KLK4: variants seen among roughly 807,000 people sequenced by gnomAD.
KLK4 encodes kallikrein related peptidase 4.
KLK4 carries 24 observed loss-of-function variants against 24.3 expected under a neutral mutation model. The ratio of observed to expected loss-of-function variants is 0.99; its 90% CI spans 0.72 to 1.39. The LOEUF (loss-of-function observed/expected upper bound fraction) is 1.39. Ranked by LOEUF, KLK4 falls within the 40% of genes most tolerant of loss-of-function variation. The pLI, the probability that KLK4 is intolerant of heterozygous loss-of-function variation, is 0.00. For missense variants in KLK4, 344 were observed against 327.4 expected, an observed-to-expected ratio of 1.05 and a Z score of -0.39; for synonymous variants, 142 against 138.8, an observed-to-expected ratio of 1.02 and a Z score of -0.16.
At position 50,908,341 on chromosome 19, in the gene KLK4, C is replaced by A. The variant is rs1600045611; in HGVS notation, c.612+18G>T. On this transcript the variant is annotated intron_variant, in intron 5 of 5. Coordinates refer to ENST00000324041, the Ensembl canonical transcript of KLK4. ...ACCCTTCCCTGAGTCGCCTGCCCTCCCCTTTCCCCTCTCTCACGTTGCAGG... is the reference window on the plus strand; with the variant it reads ...ACCCTTCCCTGAGTCGCCTGCCCTCACCTTTCCCCTCTCTCACGTTGCAGG... 1 of 1,611,892 alleles carries A rather than the reference C, an allele frequency of 6.2e-7. No homozygotes were observed. The highest frequency in any genetic ancestry group is 8.5e-7 in the Non-Finnish European group (1 of 1,180,016).
chr19:50,909,779 G>T (rs1167243363), intron 2 of KLK4, among the ~76,000 whole-genome samples: 2 of 151,830 alleles, frequency 1.3e-5, no homozygotes, highest in Non-Finnish European at 2.9e-5. Context: ...CGGTGATCAC[G>T]GTGCAGGAGC....
rs747246156 is a variant in KLK4 at position 50,910,742 on chromosome 19, G to A, written c.-4C>T. 63 of 1,552,340 alleles carry A rather than the reference G, an allele frequency of 4.1e-5. No individual in the cohort carries two copies. In the South Asian group the frequency reaches 7.0e-4, roughly 17 times the overall value. Reference sequence around the variant, plus strand: ...AGGGATTTCCTGCTGTGGCCATCACGTCAGCACCTGGGGATGAGGACTGAG... The same window carrying A: ...AGGGATTTCCTGCTGTGGCCATCACATCAGCACCTGGGGATGAGGACTGAG... On this transcript the variant is annotated 5_prime_UTR_variant, in exon 2 of 6. In the 5' UTR this introduces an upstream ATG that the reference lacks. Transcript: ENST00000324041. The surrounding 1 kb of genome is among the most constrained non-coding windows in gnomAD (Gnocchi z 4.4).
intron 5 of KLK4, 72 bp downstream of exon 5, chr19:50,908,286 GC>G (rs2123512217): frequency 6.4e-7 from 1 of 1,567,954 alleles, no homozygotes; most frequent in South Asian, 1.1e-5. Flanking sequence ...TCGCCATGCG[GC>G]CCTGTGTGTC....
chr19:50,908,535 A>T, intron 4 of KLK4, 40 bp from the exon 5 acceptor site: 1 of 1,614,186 alleles, frequency 6.2e-7, no homozygotes, highest in Non-Finnish European at 8.5e-7. Flanking sequence ...GCGACTGGGC[A>T]GAGGACCTCC....
In KLK4 at chr19:50,908,388, C is replaced by A; in HGVS notation, c.583G>T (p.Gly195Ter). 1.2e-6 allele frequency: 2 copies of A among 1,613,986 alleles called. No individual in the cohort carries two copies. Among genetic ancestry groups the A allele is most frequent in the Non-Finnish European group, 1.7e-6 (2 of 1,180,032 alleles). ...CAGGAGTCCTTCTGGTCTTGCCCTC[C>A]GCCGGCGCAGAACATGCTGGGGTGG... Residue 195 changes from glycine to a stop codon, truncating the protein, a stop_gained, in exon 5 of 6, where the codon GGA (glycine) becomes TGA (stop). Coordinates refer to ENST00000324041, the Ensembl canonical transcript of KLK4. LOFTEE classifies it low-confidence loss of function (END_TRUNC).
In KLK4 at chr19:50,908,049, T is replaced by C. The variant is rs377727478; in HGVS notation, c.612+310A>G. On this transcript the variant is annotated intron_variant, in intron 5 of 5. Coordinates refer to ENST00000324041, the Ensembl canonical transcript of KLK4. Reference sequence around the variant, plus strand: ...TATTTCTAGTCAGGTTTTTGGGGAGTCAAAAGTTATAAGAGGATTTTCTGT... The same window carrying C: ...TATTTCTAGTCAGGTTTTTGGGGAGCCAAAAGTTATAAGAGGATTTTCTGT... The C allele has an allele frequency of 7.1e-4, 328 of 460,560 alleles. 3 individuals carry two copies. The East Asian group carries it at 0.011, about 16-fold the overall frequency. The allele number at this position is 460,560 out of a possible 1,614,324, so 28.5% of individuals were successfully genotyped here. A position where few individuals can be genotyped will look rare whatever the true frequency, so the allele number is the denominator to read the frequency against.
At position 50,910,682 on chromosome 19, in the gene KLK4, G is replaced by T; in HGVS notation, c.57C>A (p.Val19=). 6.4e-7 allele frequency: 1 copy of T among 1,555,036 alleles called. No individual in the cohort carries two copies. The highest frequency in any genetic ancestry group is 1.4e-5 in the African/African-American group (1 of 73,402). ...CACACACGCATACTCAGATACCTGC[G>T]ACACCAAGGATGAGGTACCCCAGGA... is the stretch of plus-strand genomic sequence containing the variant. Residue 19 remains valine, a synonymous_variant, in exon 2 of 6, where the codon GTC becomes GTA. Transcript: ENST00000324041. The surrounding 1 kb of genome is among the most constrained non-coding windows in gnomAD (Gnocchi z 4.4).
Position 50,907,359 on chromosome 19 carries a change from T to C in KLK4, c.613-273A>G, listed in dbSNP as rs371173518. Among the ~76,000 whole-genome samples, 16 of 152,048 alleles carry C rather than the reference T, an allele frequency of 1.1e-4. 1 individual carries two copies. The highest frequency in any genetic ancestry group is 3.4e-4 in the African/African-American group (14 of 41,502). On this transcript the variant is annotated intron_variant, in intron 5 of 5. Transcript: ENST00000324041. ...GTCTGTCTCTCCTTTGTCTCCTTTG[T>C]GGCTTGTTTATCTGTCTCAGTGTCT...
rs1025371486 is a variant in KLK4, at chr19:50,907,982, G to A, written c.612+377C>T. On this transcript the variant is annotated intron_variant, in intron 5 of 5. Coordinates refer to ENST00000324041, the Ensembl canonical transcript of KLK4. ...AATGCATAAAACGTATGCATAAATC[G>A]ACTATTTATGTTATTGGTAAGGCTC... is the stretch of plus-strand genomic sequence containing the variant. 10 of 344,214 alleles carry A rather than the reference G, an allele frequency of 2.9e-5. No homozygotes were observed. In the Admixed American group the frequency reaches 3.0e-4, roughly 10 times the overall value. 21.3% of individuals were successfully genotyped at this position (344,214 alleles called of 1,614,324 possible).
intron 5 of KLK4, chr19:50,907,860 T>A (rs1654553): frequency 4.3e-6 from 1 of 235,104 alleles, no homozygotes; most frequent in South Asian, 6.1e-5. Flanking sequence ...ATAAACACAT[T>A]AGAAAAATTT....
rs138650690 is a variant in KLK4 at position 50,908,814 on chromosome 19, C to T, written c.240G>A (p.Gly80=). The T allele has an allele frequency of 3.5e-4, 566 of 1,612,802 alleles. 3 individuals are homozygous for T. The African/African-American group carries it at 6.8e-3, about 19-fold the overall frequency. Residue 80 remains glycine (G), a synonymous_variant, in exon 4 of 6, where the codon GGG becomes GGA. Coordinates refer to ENST00000324041, the Ensembl canonical transcript of KLK4. ...CGGCCTCAAGACTGTGCAGGCCCAG[C>T]CCGATGGTGTAGGAGCTGTGGGCCA...
chr19:50,907,722 A>T (rs1251367597), intron 5 of KLK4, among the ~76,000 whole-genome samples: 1 of 151,886 alleles, frequency 6.6e-6, no homozygotes, highest in African/African-American at 2.4e-5. Flanking sequence ...TAGAGTCTTG[A>T]TTTTTCCTGT....
Position 50,907,175 on chromosome 19 carries a change from A to G in KLK4, c.613-89T>C, listed in dbSNP as rs1474830448. On this transcript the variant is annotated intron_variant, in intron 5 of 5. Transcript: ENST00000324041. ...AGAAAGGAACTAAATGAGACTGAGA[A>G]ACAAAGACAGAACCATCATCAATAA... 7.6e-6 allele frequency: 10 copies of G among 1,323,516 alleles called. No homozygotes were observed. In the Admixed American group the frequency reaches 1.6e-4, roughly 21 times the overall value. The allele number at this position is 1,323,516 out of a possible 1,614,324, so 82.0% of individuals were successfully genotyped here.
chr19:50,909,192 T>C, intron 3 of KLK4, 60 bp downstream of exon 3: 1 of 1,612,902 alleles, frequency 6.2e-7, no homozygotes, highest in South Asian at 1.1e-5. Context: ...AAGATGAGCC[T>C]GATATTAGGC....
intron 5 of KLK4, chr19:50,907,947 G>A (rs1255929792): frequency 2.6e-4 from 77 of 297,782 alleles, no homozygotes; most frequent in South Asian, 3.9e-4. Flanking sequence ...TCCAACAAAG[G>A]TATATCATGA....
intron 3 of KLK4, 58 bp downstream of exon 3, chr19:50,909,194 A>G (rs1233434227): frequency 6.2e-7 from 1 of 1,612,802 alleles, no homozygotes; most frequent in Non-Finnish European, 8.5e-7. Context: ...GATGAGCCTG[A>G]TATTAGGCCC....
intron 3 of KLK4, 40 bp downstream of exon 3, chr19:50,909,212 G>C: frequency 6.2e-7 from 1 of 1,608,890 alleles, no homozygotes; most frequent in South Asian, 1.1e-5. Flanking sequence ...CCCCGCCCCC[G>C]GACCCAGGCC....
Position 50,910,696 on chromosome 19 carries a change from G to A in KLK4, c.43C>T (p.Leu15Phe). 6.4e-7 allele frequency: 1 copy of A among 1,555,770 alleles called. No individual in the cohort carries two copies. The highest frequency in any genetic ancestry group is 1.2e-5 in the South Asian group (1 of 84,348). The change falls in exon 2 of 6, where the codon CTC (leucine) becomes TTC (phenylalanine). Residue 15 changes from leucine to phenylalanine, a missense_variant. Transcript: ENST00000324041. This position sits in a 1 kb window ranked among gnomAD's most constrained non-coding sequence, Gnocchi z 4.4. The stretch of plus-strand genomic sequence containing the variant: ...CAGATACCTGCGACACCAAGGATGA[G>A]GTACCCCAGGAACCAGCCCCAGGGA...
intron 2 of KLK4, 58 bp from the exon 3 acceptor site, chr19:50,909,472 G>T: frequency 6.3e-7 from 1 of 1,582,546 alleles, no homozygotes; most frequent in Non-Finnish European, 8.7e-7. Flanking sequence ...GGTTCCTGGG[G>T]GTGGGCTTAC....
Sources: allele counts gnomAD v4.1 joint callset (sites outside exome capture counted in the v4.1 genomes callset), GRCh38; gene constraint gnomAD v4.1.1; non-coding constraint Gnocchi (gnomAD v3.1); transcripts MANE v1.5; gene names NCBI Gene and HGNC (gene_info 2026-07-23, HGNC 2026-07-21).